ENTPD8: variants seen among roughly 807,000 people sequenced by gnomAD.
The protein encoded by ENTPD8 is E-NTPDase 8.
ENTPD8 carries 35 observed loss-of-function variants against 47.0 expected under a neutral mutation model. The observed-to-expected ratio is 0.75, with a 90% confidence interval of 0.57 to 0.99. ENTPD8 has a LOEUF of 0.99. Ranked by LOEUF, ENTPD8 falls within the 50% of genes least tolerant of loss-of-function variation. ENTPD8 has a pLI of 0.00. For synonymous variants in ENTPD8, 308 were observed against 290.5 expected, an observed-to-expected ratio of 1.06 and a Z score of -0.61; for missense variants, 668 against 649.9, an observed-to-expected ratio of 1.03 and a Z score of -0.30.
chr9:137,435,703 C>A lies in ENTPD8; in HGVS notation c.1161+16G>T. On this transcript the variant is annotated intron_variant, in intron 8 of 9. Coordinates refer to ENST00000371506, the MANE Select transcript of ENTPD8 (RefSeq NM_001033113.2). ...AGGGACCCTCGCTGCAGCCAGGGAG[C>A]CCAGGGCCCACCCACCAGTTTCCAG... 2 of 1,605,976 alleles carry A rather than the reference C, an allele frequency of 1.2e-6. No homozygotes were observed. The highest frequency in any genetic ancestry group is 1.1e-5 in the South Asian group (1 of 90,654).
At position 137,437,323 on chromosome 9, in the gene ENTPD8, C is replaced by T. The variant is rs1554749321; in HGVS notation, c.245-14G>A. The T allele has an allele frequency of 7.5e-6, 12 of 1,605,992 alleles. No individual in the cohort carries two copies. The highest frequency in any genetic ancestry group is 2.2e-5 in the East Asian group (1 of 44,702). On this transcript the variant is annotated splice_polypyrimidine_tract_variant and intron_variant, in intron 3 of 9. Coordinates refer to ENST00000371506, the MANE Select transcript of ENTPD8 (RefSeq NM_001033113.2). ...AGATTCCAGGCCCTGGAACAGCAGCCGGGGACAGAGCTCCAGACCCCGCAG... is the reference window on the plus strand; with the variant it reads ...AGATTCCAGGCCCTGGAACAGCAGCTGGGGACAGAGCTCCAGACCCCGCAG...
rs576569627 is a variant in ENTPD8 at position 137,436,441 on chromosome 9, G to A, written c.786+80C>T. The stretch of plus-strand genomic sequence containing the variant: ...CGCCCATACCCTGTGCCCCCTCCCC[G>A]GGGCCGGATGACCCACGCCAGCCCT... On this transcript the variant is annotated intron_variant, in intron 6 of 9. Coordinates refer to ENST00000371506, the MANE Select transcript of ENTPD8 (RefSeq NM_001033113.2). The A allele has an allele frequency of 9.0e-5, 124 of 1,381,916 alleles. No individual in the cohort carries two copies. The African/African-American group carries it at 9.3e-4, about 10-fold the overall frequency. The allele number at this position is 1,381,916 out of a possible 1,614,324, so 85.6% of individuals were successfully genotyped here.
chr9:137,436,417 G>A lies in ENTPD8; in HGVS notation c.786+104C>T, dbSNP rs111608728. 2.0e-3 allele frequency: 2,672 copies of A among 1,333,148 alleles called. 13 individuals carry two copies. In the African/African-American group the frequency reaches 0.024, roughly 12 times the overall value. 82.6% of individuals were successfully genotyped at this position (1,333,148 alleles called of 1,614,324 possible). On this transcript the variant is annotated intron_variant, in intron 6 of 9. Coordinates refer to ENST00000371506, the MANE Select transcript of ENTPD8 (RefSeq NM_001033113.2). ...GCCGGATGACCCACGCCAGCCCCGCGCCCATACCCTGTGCCCCCTCCCCGG... is the reference window on the plus strand; with the variant it reads ...GCCGGATGACCCACGCCAGCCCCGCACCCATACCCTGTGCCCCCTCCCCGG...
Position 137,438,025 on chromosome 9 carries a change from C to G in ENTPD8, c.186G>C (p.Leu62=). Residue 62 remains leucine, a synonymous_variant, in exon 3 of 10, where the codon CTG becomes CTC. Coordinates refer to ENST00000371506, the MANE Select transcript of ENTPD8 (RefSeq NM_001033113.2). This position sits in a 1 kb window ranked among gnomAD's most constrained non-coding sequence, Gnocchi z 5.7. The stretch of plus-strand genomic sequence containing the variant: ...CACCCGTGCCATTCTCCTTGTTCGC[C>G]AGCCACTGATACAGGAAGAGGGACG... The part of the protein sequence containing the change: ...SHTSLFLYQW[L]ANKENGTGVV... 6.2e-7 allele frequency: 1 copy of G among 1,612,984 alleles called. No individual in the cohort carries two copies. The highest frequency in any genetic ancestry group is 1.3e-5 in the African/African-American group (1 of 75,060).
chr9:137,440,006 C>T (rs1304251444), intron 1 of ENTPD8, among the ~76,000 whole-genome samples: 1 of 43,526 alleles, frequency 2.3e-5, no homozygotes, highest in Non-Finnish European at 4.1e-5. Context: ...CAGACCAGGA[C>T]AGCCCCCCCC....
Position 137,435,440 on chromosome 9 carries a change from G to T in ENTPD8, c.1162-102C>A, listed in dbSNP as rs73565586. The stretch of plus-strand genomic sequence containing the variant: ...GCCAACCTGAGCACGCAGACAACAA[G>T]AGGGTGCCGGGCAGTGGTAGAGAGC... On this transcript the variant is annotated intron_variant, in intron 8 of 9. Transcript: ENST00000371506. The T allele has an allele frequency of 2.6e-4, 390 of 1,494,468 alleles. No homozygotes were observed. The African/African-American group carries it at 4.9e-3, about 19-fold the overall frequency. 92.6% of individuals were successfully genotyped at this position (1,494,468 alleles called of 1,614,324 possible). A position where few individuals can be genotyped will look rare whatever the true frequency, so the allele number is the denominator to read the frequency against.
intron 6 of ENTPD8, 39 bp from the exon 7 acceptor site, chr9:137,436,315 C>T (rs1358083145): frequency 2.0e-6 from 3 of 1,515,968 alleles, no homozygotes; most frequent in Non-Finnish European, 2.6e-6. Context: ...AGCCGCACAC[C>T]TGCGGCCCTG....
chr9:137,438,562 A>G lies in ENTPD8; in HGVS notation c.-20-257T>C, dbSNP rs1176489756. ...CCATAGAGGCATCTCCGGGGCTCAG[A>G]CGGCCTCCCGTGGCCATAGAGGCAT... On this transcript the variant is annotated intron_variant, in intron 1 of 9. Transcript: ENST00000371506. This position sits in a 1 kb window ranked among gnomAD's most constrained non-coding sequence, Gnocchi z 5.7. 2.6e-4 allele frequency among the ~76,000 whole-genome samples: 37 copies of G among 141,418 alleles called. No individual in the cohort carries two copies. Among genetic ancestry groups the G allele is most frequent in the East Asian group, 1.2e-3 (6 of 4,802 alleles). 92.8% of individuals were successfully genotyped at this position (141,418 alleles called of 152,430 possible). A position where few individuals can be genotyped will look rare whatever the true frequency, so the allele number is the denominator to read the frequency against.
chr9:137,435,594 T>C (rs1839322126), intron 8 of ENTPD8, 125 bp downstream of exon 8: 1 of 1,101,576 alleles, frequency 9.1e-7, no homozygotes, highest in Admixed American at 2.2e-5. Context: ...GGAGCTGTCC[T>C]CTGCCCTTGC....
intron 4 of ENTPD8, 54 bp downstream of exon 4, chr9:137,437,105 G>C (rs541802399): frequency 1.9e-6 from 3 of 1,603,728 alleles, no homozygotes; most frequent in African/African-American, 2.7e-5. Context: ...CGCTGGCTGA[G>C]ACCATGGCTT....
At position 137,437,184 on chromosome 9, in the gene ENTPD8, C is replaced by T; in HGVS notation, c.370G>A (p.Ala124Thr). 1 of 1,612,704 alleles carries T rather than the reference C, an allele frequency of 6.2e-7. No individual in the cohort carries two copies. The highest frequency in any genetic ancestry group is 8.5e-7 in the Non-Finnish European group (1 of 1,179,768). The change falls in exon 4 of 10, where the codon GCC becomes ACC. Residue 124 changes from alanine to threonine, a missense_variant. Coordinates refer to ENST00000371506, the MANE Select transcript of ENTPD8 (RefSeq NM_001033113.2). ...CTGAGCAACCTCATGCCAGCCGTGG[C>T]CCCCAGGAACGTGGGTGTTTTCCGA... ...QHRKTPTFLG[A>T]TAGMRLLSRK...
chr9:137,435,234 C>G lies in ENTPD8; in HGVS notation c.1266G>C (p.Glu422Asp). 1 of 1,612,140 alleles carries G rather than the reference C, an allele frequency of 6.2e-7. No individual in the cohort carries two copies. Among genetic ancestry groups the G allele is most frequent in the African/African-American group, 1.3e-5 (1 of 75,052 alleles). Residue 422 changes from glutamate (E) to aspartate (D), a missense_variant, in exon 9 of 10, where the codon GAG becomes GAC. Coordinates refer to ENST00000371506, the MANE Select transcript of ENTPD8 (RefSeq NM_001033113.2). ...LLHEGYGFSE[E>D]TWPSLEFRKQ... ...TTCGGAACTCGAGGCTGGGCCAGGTCTCCTCGCTGAACCCGTAGCCCTCGT... is the reference window on the plus strand; with the variant it reads ...TTCGGAACTCGAGGCTGGGCCAGGTGTCCTCGCTGAACCCGTAGCCCTCGT...
rs559799144 is a variant in ENTPD8, at chr9:137,438,023, G to A, written c.188C>T (p.Ala63Val). 9.3e-6 allele frequency: 15 copies of A among 1,612,224 alleles called. No individual in the cohort carries two copies. Among genetic ancestry groups the A allele is most frequent in the African/African-American group, 2.7e-5 (2 of 75,054 alleles). Residue 63 changes from alanine (A) to valine (V), a missense_variant, in exon 3 of 10, where the codon GCG becomes GTG. Transcript: ENST00000371506. This position sits in a 1 kb window ranked among gnomAD's most constrained non-coding sequence, Gnocchi z 5.7. Reference protein sequence around the residue: ...HTSLFLYQWLANKENGTGVVS... With the variant: ...HTSLFLYQWLVNKENGTGVVS... ...CACACCCGTGCCATTCTCCTTGTTC[G>A]CCAGCCACTGATACAGGAAGAGGGA...
Position 137,438,131 on chromosome 9 carries a change from C to T in ENTPD8, c.126+29G>A, listed in dbSNP as rs1398601907. On this transcript the variant is annotated intron_variant, in intron 2 of 9. Transcript: ENST00000371506. The surrounding 1 kb of genome is among the most constrained non-coding windows in gnomAD (Gnocchi z 5.7). Reference sequence around the variant, plus strand: ...TGGGAGGCAACACCTGTGGACCCGGCCCGGCCTCCCCTGCCGGCGGGGACG... The same window carrying T: ...TGGGAGGCAACACCTGTGGACCCGGTCCGGCCTCCCCTGCCGGCGGGGACG... The T allele has an allele frequency of 1.9e-6, 3 of 1,609,704 alleles. No homozygotes were observed. The highest frequency in any genetic ancestry group is 1.7e-5 in the Admixed American group (1 of 59,862).
chr9:137,437,092 C>T (rs960510730), intron 4 of ENTPD8, 64 bp from the exon 5 acceptor site: 23 of 1,600,508 alleles, frequency 1.4e-5, no homozygotes, highest in Non-Finnish European at 1.6e-5. Flanking sequence ...ACCCTGCCTG[C>T]CACGCTGGCT....
chr9:137,438,275 G>A lies in ENTPD8; in HGVS notation c.11C>T (p.Ser4Phe). The change falls in exon 2 of 10, where the codon TCC becomes TTC. Residue 4 changes from serine (S) to phenylalanine (F), a missense_variant. Coordinates refer to ENST00000371506, the MANE Select transcript of ENTPD8 (RefSeq NM_001033113.2). This position sits in a 1 kb window ranked among gnomAD's most constrained non-coding sequence, Gnocchi z 5.7. Reference sequence around the variant, plus strand: ...GGCCAAGAAGACCTGCTCCTTCCGGGACAGCCCCATGGTGCAGGTGGTACT... The same window carrying A: ...GGCCAAGAAGACCTGCTCCTTCCGGAACAGCCCCATGGTGCAGGTGGTACT... MGL[S>F]RKEQVFLALL... The A allele has an allele frequency of 6.3e-7, 1 of 1,586,770 alleles. No homozygotes were observed. Among genetic ancestry groups the A allele is most frequent in the Non-Finnish European group, 8.6e-7 (1 of 1,166,834 alleles).
At chr9:137,437,392 A>C (rs2131906678) in intron 3 of ENTPD8, 83 bp from the exon 4 acceptor site, 98 of 1,506,272 alleles carry the variant, frequency 6.5e-5, no homozygotes, top group Middle Eastern at 2.4e-4. Flanking sequence ...TGACCACCTC[A>C]TGCCCCCTGG....
chr9:137,435,877 C>T, intron 7 of ENTPD8, 48 bp from the exon 8 acceptor site: 5 of 1,606,352 alleles, frequency 3.1e-6, no homozygotes, highest in Non-Finnish European at 4.3e-6. Flanking sequence ...CCACGCTGGG[C>T]CAGATCCACC....
chr9:137,436,167 A>G lies in ENTPD8; in HGVS notation c.896T>C (p.Leu299Pro). 6.2e-7 allele frequency: 1 copy of G among 1,612,898 alleles called. No homozygotes were observed. The highest frequency in any genetic ancestry group is 1.3e-5 in the African/African-American group (1 of 75,036). The change falls in exon 7 of 10, where the codon CTG becomes CCG. Residue 299 changes from leucine to proline, a missense_variant. Leu to Pro is a moderately conservative substitution (Grantham distance 98). Coordinates refer to ENST00000371506, the MANE Select transcript of ENTPD8 (RefSeq NM_001033113.2). ...ESPCVHATPP[L>P]SLPQNLTVEG... is the part of the protein sequence containing the mutation. ...AACTGTGAGGTTCTGGGGGAGGCTC[A>G]GCGGGGGCGTGGCGTGGACACAGGG... is the stretch of plus-strand genomic sequence containing the variant.
Sources: allele counts gnomAD v4.1 joint callset (sites outside exome capture counted in the v4.1 genomes callset), GRCh38; gene constraint gnomAD v4.1.1; non-coding constraint Gnocchi (gnomAD v3.1); transcripts MANE v1.5; gene names NCBI Gene and HGNC (gene_info 2026-07-23, HGNC 2026-07-21).